The following AGMO variants were observed in gnomAD, a reference collection of about 807,000 sequenced individuals.
The protein encoded by AGMO is alkylglycerol monooxygenase, also known as glyceryl-ether monooxygenase.
AGMO carries 75 observed loss-of-function variants against 60.2 expected under a neutral mutation model. That is an observed-to-expected ratio of 1.25 (90% CI 1.03 to 1.51). AGMO has a LOEUF of 1.51. Ranked by LOEUF, AGMO falls within the 40% of genes most tolerant of loss-of-function variation. The probability of loss-of-function intolerance (pLI) is 0.00; values close to 1 mark genes in which losing one functional copy is unlikely to be tolerated. For synonymous variants in AGMO, 261 were observed against 177.1 expected (o/e 1.47, Z -3.76); for missense variants, 763 against 525.5 (o/e 1.45, Z -4.42).
At chr7:15,224,760 A>T (rs1380898470) in intron 12 of AGMO, among the ~76,000 whole-genome samples, 5 of 152,030 alleles carry the variant, frequency 3.3e-5, no homozygotes, top group Non-Finnish European at 5.9e-5. Flanking sequence ...AGCTGTCCCA[A>T]GGAAATATAA....
intron 5 of AGMO, among the ~76,000 whole-genome samples, chr7:15,415,314 G>A (rs369717250): frequency 4.6e-5 from 7 of 152,000 alleles, no homozygotes; most frequent in African/African-American, 9.6e-5. Context: ...GAAGGCCAAC[G>A]CAGGCAGATC....
At chr7:15,376,636 CTGT>C (rs1313240375) in intron 10 of AGMO, among the ~76,000 whole-genome samples, 1 of 151,970 alleles carries the variant, frequency 6.6e-6, no homozygotes, top group Non-Finnish European at 1.5e-5. Flanking sequence ...AATATTCAAA[CTGT>C]TTTTTGTGTG....
At chr7:15,445,112 CT>C (rs67104474) in intron 3 of AGMO, among the ~76,000 whole-genome samples, 3,985 of 152,206 alleles carry the variant, frequency 0.026, 145 homozygotes, top group African/African-American at 0.082. Flanking sequence ...GTGATAGTGT[CT>C]TTTAAAACAC....
chr7:15,338,183 G>C (rs980425023), intron 12 of AGMO, among the ~76,000 whole-genome samples: 6 of 152,056 alleles, frequency 3.9e-5, no homozygotes, highest in Admixed American at 6.5e-5. Flanking sequence ...GTGGAATTCA[G>C]ATAAAATAAA....
the AGMO span, among the ~76,000 whole-genome samples, chr7:15,153,321 C>T: frequency 6.6e-6 from 1 of 151,932 alleles, no homozygotes; most frequent in Admixed American, 6.6e-5. Flanking sequence ...GATTTCTTCT[C>T]CTTTGCAGGA....
chr7:15,370,920 T>A (rs1783184244), intron 10 of AGMO, among the ~76,000 whole-genome samples: 2 of 152,148 alleles, frequency 1.3e-5, no homozygotes, highest in Admixed American at 1.3e-4. Context: ...AATTTTTGTT[T>A]TTGTTGTAGT....
At chr7:15,440,013 AT>A (rs1562508520) in intron 3 of AGMO, among the ~76,000 whole-genome samples, 2 of 152,156 alleles carry the variant, frequency 1.3e-5, no homozygotes, top group Non-Finnish European at 2.9e-5. Flanking sequence ...ATAAATGTGT[AT>A]TTCCCTTAGC....
intron 12 of AGMO, among the ~76,000 whole-genome samples, chr7:15,218,724 T>C (rs995958359): frequency 6.6e-6 from 1 of 152,100 alleles, no homozygotes; most frequent in East Asian, 1.9e-4. Context: ...ACAGGTGATA[T>C]TCCTGCTGGC....
At chr7:15,144,396 A>G in the AGMO span, among the ~76,000 whole-genome samples, 1 of 152,214 alleles carries the variant, frequency 6.6e-6, no homozygotes, top group Non-Finnish European at 1.5e-5. Flanking sequence ...CAGAGTAGAA[A>G]CTGAAAAATT....
intron 12 of AGMO, among the ~76,000 whole-genome samples, chr7:15,279,008 T>C (rs375261368): frequency 8.1e-4 from 123 of 152,234 alleles, no homozygotes; most frequent in African/African-American, 2.8e-3. Flanking sequence ...CACATGAAAG[T>C]GCTTAATCTT....
At chr7:15,123,930 T>A in the AGMO span, among the ~76,000 whole-genome samples, 2 of 152,204 alleles carry the variant, frequency 1.3e-5, no homozygotes, top group South Asian at 2.1e-4. Flanking sequence ...CTCAGATAAC[T>A]TTTTGTAGCA....
intron 12 of AGMO, among the ~76,000 whole-genome samples, chr7:15,291,941 G>C (rs558432659): frequency 6.6e-6 from 1 of 152,274 alleles, no homozygotes; most frequent in East Asian, 1.9e-4. Context: ...GTAGATTGTG[G>C]TGACGGAGTG....
chr7:15,271,922 A>G (rs1783622718), intron 12 of AGMO, among the ~76,000 whole-genome samples: 1 of 152,054 alleles, frequency 6.6e-6, no homozygotes, highest in African/African-American at 2.4e-5. Context: ...TATTGAGATG[A>G]CCATATGGTT....
intron 5 of AGMO, among the ~76,000 whole-genome samples, chr7:15,401,568 A>G (rs1784553171): frequency 6.6e-6 from 1 of 152,216 alleles, no homozygotes; most frequent in East Asian, 1.9e-4. Flanking sequence ...CTATTATTCA[A>G]TTTTTACATC....
the AGMO span, among the ~76,000 whole-genome samples, chr7:15,180,747 C>A: frequency 3.9e-5 from 6 of 152,150 alleles, no homozygotes; most frequent in East Asian, 1.2e-3. Context: ...CAGCAGCAGC[C>A]CTACTTCTCA....
At chr7:15,245,178 T>C (rs539990070) in intron 12 of AGMO, among the ~76,000 whole-genome samples, 3 of 152,266 alleles carry the variant, frequency 2.0e-5, no homozygotes, top group Admixed American at 2.0e-4. Context: ...TACATTTCAT[T>C]ACAAATTTAA....
chr7:15,364,494 G>A (rs954438762), intron 12 of AGMO, among the ~76,000 whole-genome samples: 1 of 151,868 alleles, frequency 6.6e-6, no homozygotes, highest in Admixed American at 6.6e-5. Flanking sequence ...CTTTATTAAT[G>A]AATAATAATT....
chr7:15,184,023 A>T, the AGMO span, among the ~76,000 whole-genome samples: 1 of 152,202 alleles, frequency 6.6e-6, no homozygotes, highest in Admixed American at 6.5e-5. Context: ...GTTAAAAACA[A>T]TATCTCCTGG....
chr7:15,356,365 TACAGGCAAC>T (rs1166430329), intron 12 of AGMO, among the ~76,000 whole-genome samples: 1 of 152,132 alleles, frequency 6.6e-6, no homozygotes, highest in Non-Finnish European at 1.5e-5. Context: ...TGGATACAAG[TACAGGCAAC>T]AAAAAGAATA....
Sources: gnomAD v4.1 joint callset for allele counts (sites outside exome capture counted in the v4.1 genomes callset) on GRCh38, gnomAD v4.1.1 for gene constraint, MANE v1.5 for transcripts, NCBI Gene and HGNC (gene_info 2026-07-23, HGNC 2026-07-21) for gene names.